ZSCAN5A: variants seen among roughly 807,000 people sequenced by gnomAD.
ZSCAN5A encodes the protein zinc finger and SCAN domain containing 5A.
Under a neutral mutation model 23.7 loss-of-function variants are expected in ZSCAN5A, and 12 were observed. The ratio of observed to expected loss-of-function variants is 0.51; its 90% CI spans 0.32 to 0.82. The LOEUF (loss-of-function observed/expected upper bound fraction) is 0.82, where lower values mean the gene tolerates loss of function less well. Ranked by LOEUF, ZSCAN5A falls within the 40% of genes least tolerant of loss-of-function variation. The pLI is 0.03. For missense variants in ZSCAN5A, 597 were observed against 617.9 expected (o/e 0.97, Z 0.36); for synonymous variants, 257 against 239.9 (o/e 1.07, Z -0.66).
rs531962117 is a variant in ZSCAN5A at position 56,329,649 on chromosome 19, A to T, written c.-357-13381T>A. ...AAATAGAAAAATAGAGAAAGTCAACATCTAAATATTCCTTGAAATAGTCAA... is the reference window on the plus strand; with the variant it reads ...AAATAGAAAAATAGAGAAAGTCAACTTCTAAATATTCCTTGAAATAGTCAA... On this transcript the variant is annotated intron_variant, in intron 2 of 6. Transcript: ENST00000587340. Among the ~76,000 whole-genome samples the T allele has an allele frequency of 2.0e-5, 3 of 152,192 alleles. No homozygotes were observed. The South Asian group carries it at 6.2e-4, about 31-fold the overall frequency.
intron 2 of ZSCAN5A, chr19:56,321,249 T>G (rs1220628038): frequency 1.5e-6 from 1 of 670,166 alleles, no homozygotes; most frequent in South Asian, 1.5e-5. Context: ...AGTTGGGGTA[T>G]CAGTAGTGCC....
intron 2 of ZSCAN5A, among the ~76,000 whole-genome samples, chr19:56,346,136 A>C (rs902934715): frequency 3.3e-5 from 5 of 151,736 alleles, no homozygotes; most frequent in Admixed American, 6.6e-5. Flanking sequence ...AGAAGAAAAA[A>C]CCTTTGCTCA....
At chr19:56,301,115 T>C (rs2040200730) in intron 2 of ZSCAN5A, among the ~76,000 whole-genome samples, 1 of 152,102 alleles carries the variant, frequency 6.6e-6, no homozygotes, top group Admixed American at 6.5e-5. Flanking sequence ...TTGAATCTCG[T>C]GCAAGAAAGA....
chr19:56,269,503 T>A (rs2037697736), intron 2 of ZSCAN5A, among the ~76,000 whole-genome samples: 1 of 152,112 alleles, frequency 6.6e-6, no homozygotes, highest in South Asian at 2.1e-4. Flanking sequence ...AAAATAAGAC[T>A]GTTAATCAGC....
chr19:56,286,084 A>T (rs1440313839), intron 2 of ZSCAN5A, among the ~76,000 whole-genome samples: 1 of 151,960 alleles, frequency 6.6e-6, no homozygotes, highest in East Asian at 1.9e-4. Flanking sequence ...TGCAGTGGTG[A>T]GATCTCAGCT....
intron 2 of ZSCAN5A, chr19:56,343,364 T>A: frequency 1.8e-6 from 1 of 564,922 alleles, no homozygotes; most frequent in Non-Finnish European, 3.5e-6. Flanking sequence ...AGCAGTTGTC[T>A]TAGAGCATTT....
intron 2 of ZSCAN5A, among the ~76,000 whole-genome samples, chr19:56,307,884 C>G (rs1207321280): frequency 3.3e-5 from 5 of 152,236 alleles, no homozygotes; most frequent in Non-Finnish European, 4.4e-5. Flanking sequence ...CCCAAGTTTT[C>G]AGGGAACCTG....
intron 2 of ZSCAN5A, chr19:56,348,090 CA>C (rs2041645871): frequency 1.3e-5 from 2 of 152,368 alleles, no homozygotes; most frequent in Admixed American, 1.3e-4. Flanking sequence ...ACCAGTTTCA[CA>C]GACGGTCCAG....
intron 2 of ZSCAN5A, chr19:56,302,118 G>C (rs1184701024): frequency 2.4e-5 from 30 of 1,230,724 alleles, no homozygotes; most frequent in Non-Finnish European, 2.9e-5. Flanking sequence ...CAGCACGGAG[G>C]GGAGGAGTGT....
chr19:56,271,646 T>C (rs1042149278), intron 2 of ZSCAN5A, among the ~76,000 whole-genome samples: 5 of 152,126 alleles, frequency 3.3e-5, no homozygotes, highest in Admixed American at 6.5e-5. Flanking sequence ...GTACTAGGGA[T>C]TGAAACATAG....
At chr19:56,242,898 A>G (rs1600068619) in intron 2 of ZSCAN5A, among the ~76,000 whole-genome samples, 1 of 151,906 alleles carries the variant, frequency 6.6e-6, no homozygotes, top group Admixed American at 6.6e-5. Flanking sequence ...CCTGCCTCAG[A>G]CTGCCAAGTA....
At chr19:56,245,476 A>AG in intron 2 of ZSCAN5A, 1 of 559,894 alleles carries the variant, frequency 1.8e-6, no homozygotes, top group Non-Finnish European at 3.3e-6. Context: ...AAGGAACAGG[A>AG]GAAAACTGAG....
At chr19:56,232,586 C>G (rs1190524406) in intron 2 of ZSCAN5A, among the ~76,000 whole-genome samples, 3 of 152,210 alleles carry the variant, frequency 2.0e-5, no homozygotes, top group Non-Finnish European at 4.4e-5. Context: ...TACTCATGGG[C>G]AAGCCACAGC....
chr19:56,357,812 G>A (rs1226568928), intron 2 of ZSCAN5A, among the ~76,000 whole-genome samples: 1 of 148,022 alleles, frequency 6.8e-6, no homozygotes, highest in Non-Finnish European at 1.5e-5. Context: ...AAAAGACAAA[G>A]ACTAAAAAAT....
chr19:56,245,394 T>C, intron 2 of ZSCAN5A: 1 of 745,094 alleles, frequency 1.3e-6, no homozygotes, highest in Non-Finnish European at 2.5e-6. Context: ...CTGCAGACCC[T>C]GCCCAGGGTC....
chr19:56,320,257 C>A, intron 2 of ZSCAN5A: 2 of 498,304 alleles, frequency 4.0e-6, no homozygotes, highest in South Asian at 3.6e-5. Flanking sequence ...AGGGCTTGCT[C>A]TGCTGCCCGG....
chr19:56,272,792 C>A (rs12460523), intron 2 of ZSCAN5A: 429,611 of 832,762 alleles, frequency 0.52, 114,433 homozygotes, highest in Non-Finnish European at 0.54. Context: ...AGAGTCCTGT[C>A]TATCCTAGGA....
At chr19:56,365,205 G>A (rs1006023696) in intron 1 of ZSCAN5A, 4 of 152,142 alleles carry the variant, frequency 2.6e-5, no homozygotes, top group African/African-American at 9.7e-5. Context: ...TGTTGATCTT[G>A]AGAAATGTAC....
upstream of ZSCAN5A, chr19:56,315,495 G>A (rs1376180642): frequency 6.6e-6 from 1 of 152,218 alleles, no homozygotes; most frequent in African/African-American, 2.4e-5. Context: ...AATGGGCTTC[G>A]AGTCTCCATG....
Sources: gnomAD v4.1 joint callset for allele counts (sites outside exome capture counted in the v4.1 genomes callset) on GRCh38, gnomAD v4.1.1 for gene constraint, MANE v1.5 for transcripts, NCBI Gene and HGNC (gene_info 2026-07-23, HGNC 2026-07-21) for gene names.